The following GLYATL1 variants were observed in gnomAD, a reference collection of about 807,000 sequenced individuals.
The protein encoded by GLYATL1 is glycine-N-acyltransferase like 1, also known as glycine N-acyltransferase-like protein 1.
Under a neutral mutation model 20.0 loss-of-function variants are expected in GLYATL1, and 15 were observed. The observed-to-expected ratio is 0.75, with a 90% confidence interval of 0.50 to 1.15. The LOEUF is 1.15. Ranked by LOEUF, GLYATL1 falls within the 50% of genes most tolerant of loss-of-function variation. The pLI, the probability that GLYATL1 is intolerant of heterozygous loss-of-function variation, is 0.00. For synonymous variants in GLYATL1, 151 were observed against 131.5 expected (o/e 1.15, Z -1.01); for missense variants, 380 against 368.5 (o/e 1.03, Z -0.26).
intron 1 of GLYATL1, among the ~76,000 whole-genome samples, chr11:58,917,526 G>A (rs2135107223): frequency 6.6e-6 from 1 of 152,346 alleles, no homozygotes. Context: ...TGTGACAGGT[G>A]TATAACTCAG....
At chr11:58,955,149 A>G in intron 5 of GLYATL1, 27 bp from the exon 6 acceptor site, 1 of 1,604,244 alleles carries the variant, frequency 6.2e-7, no homozygotes, top group Non-Finnish European at 8.5e-7. Context: ...ATGTCTGACA[A>G]GATTGCTTTC....
At chr11:58,919,330 A>G (rs1018331678) in intron 1 of GLYATL1, among the ~76,000 whole-genome samples, 1 of 152,222 alleles carries the variant, frequency 6.6e-6, no homozygotes, top group Non-Finnish European at 1.5e-5. Flanking sequence ...GAGGAGGACC[A>G]TGGGCAAGAC....
intron 1 of GLYATL1, among the ~76,000 whole-genome samples, chr11:58,914,428 C>T (rs1855120786): frequency 6.6e-6 from 1 of 152,106 alleles, no homozygotes; most frequent in African/African-American, 2.4e-5. Flanking sequence ...CGGATGGCTC[C>T]CCAAAGACAG....
chr11:58,911,877 C>T (rs186383909), downstream of GLYATL1, among the ~76,000 whole-genome samples: 2 of 152,284 alleles, frequency 1.3e-5, no homozygotes, highest in Admixed American at 1.3e-4. Context: ...TTGTTGTTTA[C>T]ATCAGAGAAC....
chr11:58,948,559 G>C (rs1856749970), intron 4 of GLYATL1, among the ~76,000 whole-genome samples: 1 of 152,088 alleles, frequency 6.6e-6, no homozygotes, highest in African/African-American at 2.4e-5. Flanking sequence ...AGGATGGCTT[G>C]AGCCCCAGAA....
intron 1 of GLYATL1, among the ~76,000 whole-genome samples, chr11:58,914,271 A>T (rs2135100714): frequency 6.6e-6 from 1 of 152,134 alleles, no homozygotes; most frequent in South Asian, 2.1e-4. Flanking sequence ...TGACACTAAA[A>T]CTTTCTGTTT....
intron 1 of GLYATL1, among the ~76,000 whole-genome samples, chr11:58,906,881 G>T (rs1410964089): frequency 6.6e-6 from 1 of 152,160 alleles, no homozygotes; most frequent in African/African-American, 2.4e-5. Flanking sequence ...GGCGGGGGTT[G>T]TGGGATGAGG....
At chr11:58,911,932 C>G (rs909645728), downstream of GLYATL1, among the ~76,000 whole-genome samples, 1 of 152,050 alleles carries the variant, frequency 6.6e-6, no homozygotes, top group African/African-American at 2.4e-5. Flanking sequence ...AGTTTTCTTC[C>G]AGAAGTTTTA....
rs368914972 is a variant in GLYATL1 at position 58,955,833 on chromosome 11, C to T, written c.715C>T (p.Arg239Ter). The change falls in exon 7 of 7, where the codon CGA (arginine) becomes TGA (stop). Residue 239 changes from arginine to a stop codon, truncating the protein, a stop_gained. Transcript: ENST00000532726. LOFTEE classifies it low-confidence loss of function (END_TRUNC). The part of the protein sequence containing the change: ...VGMAYSMEKY[R>*]RTGNMARVMV... ...AATGGCCTACAGCATGGAAAAATAC[C>T]GAAGGACAGGCAACATGGCACGAGT... The T allele has an allele frequency of 3.1e-5, 50 of 1,614,120 alleles. No homozygotes were observed. Among genetic ancestry groups the T allele is most frequent in the East Asian group, 1.6e-4 (7 of 44,880 alleles).
At chr11:58,954,951 A>G in intron 5 of GLYATL1, 55 bp downstream of exon 5, 1 of 1,553,014 alleles carries the variant, frequency 6.4e-7, no homozygotes, top group Non-Finnish European at 8.8e-7. Context: ...TGTGTCTTCA[A>G]CTAACAGCAT....
At chr11:58,930,654 A>G (rs1486015396) in intron 1 of GLYATL1, among the ~76,000 whole-genome samples, 1 of 152,244 alleles carries the variant, frequency 6.6e-6, no homozygotes, top group African/African-American at 2.4e-5. Context: ...TTATTTACCT[A>G]GAAATAAATG....
intron 2 of GLYATL1, among the ~76,000 whole-genome samples, chr11:58,944,247 A>T (rs1441066407): frequency 6.6e-6 from 1 of 152,210 alleles, no homozygotes; most frequent in Non-Finnish European, 1.5e-5. Context: ...AGTCTCTTTG[A>T]CTAAAAACAG....
At chr11:58,955,025 G>A in intron 5 of GLYATL1, 129 bp downstream of exon 5, 2 of 1,252,366 alleles carry the variant, frequency 1.6e-6, no homozygotes, top group South Asian at 2.9e-5. Flanking sequence ...TGGGAGAGGT[G>A]GAGCAATCTG....
Position 58,955,277 on chromosome 11 carries a change from C to T in GLYATL1, c.415C>T (p.Leu139=). Reference sequence around the variant, plus strand: ...ACTCCTCTTGGTTACGGAAGATATTCTGAAGCTCAATGCCTCCAGTAAAAG... The same window carrying T: ...ACTCCTCTTGGTTACGGAAGATATTTTGAAGCTCAATGCCTCCAGTAAAAG... The part of the protein sequence containing the change: ...RALLLVTEDI[L]KLNASSKSKL... Residue 139 remains leucine (L), a synonymous_variant, in exon 6 of 7, where the codon CTG becomes TTG. Coordinates refer to ENST00000532726, the MANE Select transcript of GLYATL1 (RefSeq NM_001389712.2). 1.2e-6 allele frequency: 2 copies of T among 1,614,154 alleles called. No homozygotes were observed. The highest frequency in any genetic ancestry group is 8.5e-7 in the Non-Finnish European group (1 of 1,179,982).
chr11:58,905,515 G>T lies in GLYATL1; in HGVS notation n.92G>T, dbSNP rs1450615807. The T allele has an allele frequency of 1.3e-5, 6 of 456,140 alleles. No individual in the cohort carries two copies. The Admixed American group carries it at 1.4e-4, about 11-fold the overall frequency. 28.3% of individuals were successfully genotyped at this position (456,140 alleles called of 1,614,324 possible). ...TCTCCTCAGCGCGCTGCTCCCACTC[G>T]CAATCAAAAGGCGGAAAAAGCGCGA... is the stretch of plus-strand genomic sequence containing the variant. On this transcript the variant is annotated non_coding_transcript_exon_variant, in exon 1 of 2. Transcript: ENST00000524629.
chr11:58,915,128 T>G (rs1229428560), intron 1 of GLYATL1, among the ~76,000 whole-genome samples: 1 of 152,248 alleles, frequency 6.6e-6, no homozygotes, highest in African/African-American at 2.4e-5. Flanking sequence ...CTCTAAATTC[T>G]GCTGATTCAA....
chr11:58,946,241 T>A (rs1390209248), intron 2 of GLYATL1, among the ~76,000 whole-genome samples: 1 of 152,234 alleles, frequency 6.6e-6, no homozygotes, highest in African/African-American at 2.4e-5. Context: ...ATGCTATGCA[T>A]TTTATACATA....
At chr11:58,946,594 A>G (rs1233252475) in intron 2 of GLYATL1, among the ~76,000 whole-genome samples, 1 of 152,214 alleles carries the variant, frequency 6.6e-6, no homozygotes, top group Non-Finnish European at 1.5e-5. Context: ...GGCCCTGAGA[A>G]ACTAAAGAAA....
chr11:58,907,173 T>C (rs983423963), intron 1 of GLYATL1: 12 of 448,760 alleles, frequency 2.7e-5, no homozygotes, highest in Admixed American at 1.9e-4. Flanking sequence ...CAGTACACAG[T>C]TGAATACTTT....
Sources: allele counts gnomAD v4.1 joint callset (sites outside exome capture counted in the v4.1 genomes callset), GRCh38; gene constraint gnomAD v4.1.1; transcripts MANE v1.5; gene names NCBI Gene and HGNC (gene_info 2026-07-23, HGNC 2026-07-21).